The following PLEKHA8 variants were observed in gnomAD, a reference collection of about 807,000 sequenced individuals.
PLEKHA8 encodes the protein pleckstrin homology domain-containing family A member 8.
A neutral mutation model predicts 68.2 loss-of-function variants in PLEKHA8; 36 were observed. That is an observed-to-expected ratio of 0.53 (90% CI 0.40 to 0.70). PLEKHA8 has a LOEUF of 0.70. PLEKHA8 is among the 30% of genes least tolerant of loss of function. The probability of loss-of-function intolerance (pLI) is 0.00; values close to 1 mark genes in which losing one functional copy is unlikely to be tolerated. For missense variants in PLEKHA8, 505 were observed against 615.4 expected (o/e 0.82, Z 1.90); for synonymous variants, 211 against 216.1 (o/e 0.98, Z 0.20).
chr7:30,073,516 A>C (rs757696230), intron 12 of PLEKHA8, among the ~76,000 whole-genome samples: 1 of 149,460 alleles, frequency 6.7e-6, no homozygotes, highest in Non-Finnish European at 1.5e-5. Flanking sequence ...GCTGAAGTTC[A>C]GATATATTGA....
At chr7:30,066,190 C>A (rs1428814423) in intron 12 of PLEKHA8, among the ~76,000 whole-genome samples, 2 of 152,176 alleles carry the variant, frequency 1.3e-5, no homozygotes, top group African/African-American at 4.8e-5. Context: ...CATAATTAGA[C>A]AGCTTTCCAA....
At chr7:30,085,390 T>C (rs1003111104), downstream of PLEKHA8, among the ~76,000 whole-genome samples, 5 of 152,180 alleles carry the variant, frequency 3.3e-5, no homozygotes, top group Non-Finnish European at 7.4e-5. Context: ...TTTGGCTTGG[T>C]TTAATTCTGT....
intron 12 of PLEKHA8, among the ~76,000 whole-genome samples, chr7:30,073,430 T>A (rs1794389713): frequency 6.6e-6 from 1 of 152,106 alleles, no homozygotes; most frequent in South Asian, 2.1e-4. Flanking sequence ...CTAATTGTAT[T>A]GTCTCAATTT....
chr7:30,071,349 C>G (rs560407073), intron 12 of PLEKHA8, among the ~76,000 whole-genome samples: 9 of 152,280 alleles, frequency 5.9e-5, no homozygotes, highest in African/African-American at 1.9e-4. Flanking sequence ...ATGCCATGAG[C>G]TCTCACAACG....
At position 30,079,478 on chromosome 7, in the gene PLEKHA8, A is replaced by G. The variant is rs544169710; in HGVS notation, c.*691A>G. 1.9e-5 allele frequency: 19 copies of G among 985,320 alleles called. No individual in the cohort carries two copies. The African/African-American group carries it at 3.3e-4, about 17-fold the overall frequency. 61.0% of individuals were successfully genotyped at this position (985,320 alleles called of 1,614,324 possible). On this transcript the variant is annotated 3_prime_UTR_variant, in exon 14 of 14. Coordinates refer to ENST00000449726, the MANE Select transcript of PLEKHA8 (RefSeq NM_001197026.2). ...GGGGAGAATATGAGAGAGGTGGGAC[A>G]GGTCATTTGAGATGACACCTCCCAA...
chr7:30,073,777 C>T (rs1439715339), intron 12 of PLEKHA8, among the ~76,000 whole-genome samples: 2 of 151,898 alleles, frequency 1.3e-5, no homozygotes, highest in African/African-American at 4.8e-5. Flanking sequence ...CACCTGAGCC[C>T]AGGAGTTCCA....
At chr7:30,062,122 A>C in intron 11 of PLEKHA8, 95 bp downstream of exon 11, 1 of 1,419,008 alleles carries the variant, frequency 7.0e-7, no homozygotes, top group South Asian at 1.5e-5. Context: ...CTTCTGAGTG[A>C]AGGATCTAGT....
At position 30,062,734 on chromosome 7, in the gene PLEKHA8, C is replaced by A; in HGVS notation, c.1292C>A (p.Thr431Lys). The A allele has an allele frequency of 6.2e-7, 1 of 1,612,672 alleles. No homozygotes were observed. Among genetic ancestry groups the A allele is most frequent in the Non-Finnish European group, 8.5e-7 (1 of 1,178,716 alleles). Reference sequence around the variant, plus strand: ...AAAAATGGGGAGAAGGATATCCAGACAGCCCTAAGTAAGTGTTCTTTATGT... The same window carrying A: ...AAAAATGGGGAGAAGGATATCCAGAAAGCCCTAAGTAAGTGTTCTTTATGT... ...EVKNGEKDIQTALNNAYGKTL... is the reference protein window; with the variant it reads ...EVKNGEKDIQKALNNAYGKTL... Residue 431 changes from threonine to lysine, a missense_variant, in exon 12 of 14, where the codon ACA becomes AAA. Transcript: ENST00000449726.
intron 1 of PLEKHA8, among the ~76,000 whole-genome samples, chr7:30,041,077 A>G (rs1435067221): frequency 1.3e-5 from 2 of 152,222 alleles, no homozygotes; most frequent in African/African-American, 2.4e-5. Context: ...TCTTTTCTCT[A>G]CAATTCATCA....
In PLEKHA8 at chr7:30,080,899, A is replaced by G; in HGVS notation, c.*2112A>G. 1 of 985,372 alleles carries G rather than the reference A, an allele frequency of 1.0e-6. No homozygotes were observed. Among genetic ancestry groups the G allele is most frequent in the Non-Finnish European group, 1.2e-6 (1 of 829,920 alleles). 61.0% of individuals were successfully genotyped at this position (985,372 alleles called of 1,614,324 possible). ...ATGAAGATGTTTTAGGCATTGTACC[A>G]TTTAGCGGGGATGATACCAGGTGGT... On this transcript the variant is annotated 3_prime_UTR_variant, in exon 14 of 14. Coordinates refer to ENST00000449726, the MANE Select transcript of PLEKHA8 (RefSeq NM_001197026.2).
intron 1 of PLEKHA8, among the ~76,000 whole-genome samples, chr7:30,043,172 T>TTTTTA (rs1397439323): frequency 6.6e-6 from 1 of 152,168 alleles, no homozygotes; most frequent in Non-Finnish European, 1.5e-5. Context: ...AATTTTTGTA[T>TTTTTA]TTTTATTAGA....
In PLEKHA8 at chr7:30,081,858, G is replaced by A; in HGVS notation, c.*3071G>A. 6.1e-6 allele frequency: 6 copies of A among 985,366 alleles called. No homozygotes were observed. The highest frequency in any genetic ancestry group is 7.2e-6 in the Non-Finnish European group (6 of 829,898). The allele number at this position is 985,366 out of a possible 1,614,324, so 61.0% of individuals were successfully genotyped here. ...AAAGCCAGTGTTTACACTTTGTAGG[G>A]ATCAGGGTGTATTTGTTGAATTAAA... On this transcript the variant is annotated 3_prime_UTR_variant, in exon 14 of 14. Coordinates refer to ENST00000449726, the MANE Select transcript of PLEKHA8 (RefSeq NM_001197026.2).
intron 13 of PLEKHA8, among the ~76,000 whole-genome samples, chr7:30,110,957 T>C (rs1796254424): frequency 1.3e-5 from 2 of 151,060 alleles, no homozygotes; most frequent in South Asian, 4.2e-4. Context: ...CAGACTGGAG[T>C]GCAGTGGCGC....
At chr7:30,120,862 T>C (rs771277320) in intron 13 of PLEKHA8, among the ~76,000 whole-genome samples, 2 of 152,214 alleles carry the variant, frequency 1.3e-5, no homozygotes, top group African/African-American at 4.8e-5. Context: ...AGAATGATCA[T>C]GTAACTGATC....
chr7:30,091,067 G>C (rs1396946032), downstream of PLEKHA8, among the ~76,000 whole-genome samples: 1 of 152,160 alleles, frequency 6.6e-6, no homozygotes, highest in African/African-American at 2.4e-5. Flanking sequence ...AGGAGAGTGA[G>C]GTGGGAAGAT....
At chr7:30,091,083 G>C (rs1795397101), downstream of PLEKHA8, among the ~76,000 whole-genome samples, 1 of 152,156 alleles carries the variant, frequency 6.6e-6, no homozygotes, top group Non-Finnish European at 1.5e-5. Flanking sequence ...AAGATCGCTT[G>C]AGCCCAGGAG....
downstream of PLEKHA8, among the ~76,000 whole-genome samples, chr7:30,094,344 G>A (rs1168180303): frequency 6.7e-6 from 1 of 149,996 alleles, no homozygotes; most frequent in African/African-American, 2.5e-5. Context: ...GCGCAATCTC[G>A]GCTCACTGCA....
At chr7:30,110,115 T>G (rs1796220702) in intron 13 of PLEKHA8, among the ~76,000 whole-genome samples, 1 of 152,222 alleles carries the variant, frequency 6.6e-6, no homozygotes, top group African/African-American at 2.4e-5. Flanking sequence ...CTTACCATAA[T>G]CTAAGTTTAG....
intron 9 of PLEKHA8, among the ~76,000 whole-genome samples, chr7:30,056,408 A>AT (rs1355799048): frequency 2.8e-5 from 4 of 143,476 alleles, no homozygotes; most frequent in African/African-American, 7.7e-5. Context: ...ACATATATAT[A>AT]ACATACATAT....
Sources: allele counts gnomAD v4.1 joint callset (sites outside exome capture counted in the v4.1 genomes callset), GRCh38; gene constraint gnomAD v4.1.1; transcripts MANE v1.5; gene names NCBI Gene and HGNC (gene_info 2026-07-23, HGNC 2026-07-21).